The following PRELID2 variants were observed in gnomAD, a reference collection of about 807,000 sequenced individuals.
The protein encoded by PRELID2 is PRELI domain-containing protein 2.
PRELID2 carries 25 observed loss-of-function variants against 28.4 expected under a neutral mutation model. That is an observed-to-expected ratio of 0.88 (90% CI 0.64 to 1.23). The LOEUF is 1.23. Ranked by LOEUF, PRELID2 falls within the 50% of genes most tolerant of loss-of-function variation. PRELID2 has a pLI of 0.00. For missense variants in PRELID2, 201 were observed against 214.4 expected (o/e 0.94, Z 0.39); for synonymous variants, 76 against 71.6 (o/e 1.06, Z -0.31).
At chr5:145,743,077 A>C (rs1309327425) in intron 1 of PRELID2, among the ~76,000 whole-genome samples, 6 of 152,040 alleles carry the variant, frequency 3.9e-5, no homozygotes, top group Non-Finnish European at 8.8e-5. Flanking sequence ...GCGGGGCTAA[A>C]ATGACGGACT....
chr5:145,656,938 C>A (rs1399297300), intron 1 of PRELID2, among the ~76,000 whole-genome samples: 1 of 152,150 alleles, frequency 6.6e-6, no homozygotes, highest in Non-Finnish European at 1.5e-5. Context: ...CACAGACTCT[C>A]TGTTCTTAGT....
the PRELID2 span, among the ~76,000 whole-genome samples, chr5:145,463,347 T>G: frequency 6.6e-6 from 1 of 151,350 alleles, no homozygotes; most frequent in African/African-American, 2.4e-5. Context: ...TTGAAGTTTT[T>G]TTTTTTTTTT....
the PRELID2 span, among the ~76,000 whole-genome samples, chr5:145,342,747 G>A: frequency 6.7e-6 from 1 of 149,586 alleles, no homozygotes; most frequent in African/African-American, 2.5e-5. Context: ...TCCTTGTACT[G>A]ATATAAGGAC....
chr5:145,452,754 G>A, the PRELID2 span, among the ~76,000 whole-genome samples: 3 of 152,080 alleles, frequency 2.0e-5, no homozygotes, highest in African/African-American at 7.2e-5. Context: ...GGAAGAAAGA[G>A]AGGTGAGAAG....
intron 1 of PRELID2, among the ~76,000 whole-genome samples, chr5:145,678,662 T>C (rs1306819983): frequency 6.6e-6 from 1 of 152,168 alleles, no homozygotes; most frequent in Non-Finnish European, 1.5e-5. Flanking sequence ...ACTGTCAATA[T>C]ACCCAGCACA....
chr5:145,415,365 C>A, the PRELID2 span, among the ~76,000 whole-genome samples: 1 of 151,494 alleles, frequency 6.6e-6, no homozygotes, highest in Non-Finnish European at 1.5e-5. Context: ...ATGTGCCATG[C>A]TGGTGTGCTG....
At chr5:145,797,718 C>T (rs542124825) in intron 4 of PRELID2, among the ~76,000 whole-genome samples, 1 of 152,022 alleles carries the variant, frequency 6.6e-6, no homozygotes, top group Non-Finnish European at 1.5e-5. Flanking sequence ...GCTAGGCTGA[C>T]TAGTGAAGGT....
At chr5:145,665,609 C>G (rs1285533536) in intron 1 of PRELID2, among the ~76,000 whole-genome samples, 5 of 152,122 alleles carry the variant, frequency 3.3e-5, no homozygotes, top group African/African-American at 1.2e-4. Context: ...TATATAATGC[C>G]TAGCATGATG....
At chr5:145,569,475 C>A (rs891163132) in intron 1 of PRELID2, among the ~76,000 whole-genome samples, 5 of 152,118 alleles carry the variant, frequency 3.3e-5, no homozygotes, top group African/African-American at 1.2e-4. Context: ...AAGATAGAGG[C>A]TTGGCTTTTG....
intron 1 of PRELID2, among the ~76,000 whole-genome samples, chr5:145,703,275 T>A (rs540035160): frequency 6.6e-6 from 1 of 152,272 alleles, no homozygotes; most frequent in South Asian, 2.1e-4. Flanking sequence ...AGAGTCAGAG[T>A]GGGCTTTAAG....
At chr5:145,285,713 G>C in the PRELID2 span, among the ~76,000 whole-genome samples, 23 of 152,260 alleles carry the variant, frequency 1.5e-4, no homozygotes, top group African/African-American at 5.1e-4. Flanking sequence ...AGGAGGCAGA[G>C]ATTACCTCTA....
rs142276915 is a variant in PRELID2 at position 145,777,331 on chromosome 5, T to C, written c.475-12331A>G. Among the ~76,000 whole-genome samples, 584 of 152,144 alleles carry C rather than the reference T, an allele frequency of 3.8e-3. 1 individual carries two copies. The highest frequency in any genetic ancestry group is 0.013 in the African/African-American group (521 of 41,512). On this transcript the variant is annotated intron_variant, in intron 5 of 6. Coordinates refer to ENST00000683046, the MANE Select transcript of PRELID2 (RefSeq NM_205846.3). ...AATCCTCCCACCTTAGCCTCTTGAG[T>C]AGGTGGGATTACAGGCATGCATGAG... is the stretch of plus-strand genomic sequence containing the variant.
At chr5:145,556,724 T>C (rs1752882694) in intron 1 of PRELID2, among the ~76,000 whole-genome samples, 1 of 152,320 alleles carries the variant, frequency 6.6e-6, no homozygotes, top group Admixed American at 6.5e-5. Flanking sequence ...CTGACCCTAC[T>C]CTTATCTTGA....
At chr5:145,424,623 G>A in the PRELID2 span, among the ~76,000 whole-genome samples, 5 of 151,920 alleles carry the variant, frequency 3.3e-5, no homozygotes, top group Non-Finnish European at 5.9e-5. Flanking sequence ...CCCACTGACC[G>A]GCACTCCCTA....
chr5:145,826,928 G>C (rs1171638571), intron 1 of PRELID2, among the ~76,000 whole-genome samples: 1 of 151,884 alleles, frequency 6.6e-6, no homozygotes, highest in Non-Finnish European at 1.5e-5. Context: ...TTTCCAAAAA[G>C]CTCAAAAGCC....
At chr5:145,578,448 TC>T (rs1753080957) in intron 1 of PRELID2, among the ~76,000 whole-genome samples, 1 of 152,108 alleles carries the variant, frequency 6.6e-6, no homozygotes, top group Admixed American at 6.6e-5. Context: ...CCCTTTTTTT[TC>T]CCCTGGGTCA....
intron 1 of PRELID2, among the ~76,000 whole-genome samples, chr5:145,597,022 C>G (rs1216256752): frequency 6.6e-6 from 1 of 152,086 alleles, no homozygotes; most frequent in African/African-American, 2.4e-5. Flanking sequence ...TCAAAAAATA[C>G]TACATAGCAG....
the PRELID2 span, among the ~76,000 whole-genome samples, chr5:145,340,035 G>T: frequency 6.6e-6 from 1 of 152,284 alleles, no homozygotes; most frequent in Admixed American, 6.5e-5. Flanking sequence ...TCACACCTGA[G>T]CATTCCACCA....
At chr5:145,502,762 G>A (rs571270970) in intron 1 of PRELID2, among the ~76,000 whole-genome samples, 1 of 151,836 alleles carries the variant, frequency 6.6e-6, no homozygotes, top group East Asian at 1.9e-4. Flanking sequence ...TTAATTACAG[G>A]CCTCCAGTAG....
Sources: gnomAD v4.1 joint callset for allele counts (sites outside exome capture counted in the v4.1 genomes callset) on GRCh38, gnomAD v4.1.1 for gene constraint, MANE v1.5 for transcripts, NCBI Gene and HGNC (gene_info 2026-07-23, HGNC 2026-07-21) for gene names.